WASHC4: variants seen among roughly 807,000 people sequenced by gnomAD.
WASHC4 encodes WASH complex subunit 4.
WASHC4 carries 86 observed loss-of-function variants against 166.6 expected under a neutral mutation model. The ratio of observed to expected loss-of-function variants is 0.52; its 90% CI spans 0.43 to 0.62. The LOEUF is 0.62. Ranked by LOEUF, WASHC4 falls within the 20% of genes least tolerant of loss-of-function variation. WASHC4 has a pLI of 0.00. For synonymous variants in WASHC4, 446 were observed against 451.6 expected (o/e 0.99, Z 0.16); for missense variants, 1,262 against 1,382.4 (o/e 0.91, Z 1.38).
rs968780443 is a variant in WASHC4, at chr12:105,118,661, T to C, written c.518+133T>C. ...CACTTATGATATTTCAAACACTACT[T>C]GATGTGTATCATACGTAGGTTAGTA... On this transcript the variant is annotated intron_variant, in intron 7 of 32. Coordinates refer to ENST00000332180, the MANE Select transcript of WASHC4 (RefSeq NM_015275.3). The C allele has an allele frequency of 4.2e-6, 3 of 706,156 alleles. No individual in the cohort carries two copies. In the Admixed American group the frequency reaches 6.1e-5, roughly 14 times the overall value. The allele number at this position is 706,156 out of a possible 1,614,324, so 43.7% of individuals were successfully genotyped here.
At chr12:105,116,246 T>C (rs948409974) in intron 6 of WASHC4, among the ~76,000 whole-genome samples, 10 of 152,124 alleles carry the variant, frequency 6.6e-5, no homozygotes, top group African/African-American at 1.9e-4. Context: ...GCATGTACGA[T>C]GTGAAAAAGC....
chr12:105,138,031 A>G lies in WASHC4; in HGVS notation c.1452+20A>G, dbSNP rs753289798. 17 of 1,606,632 alleles carry G rather than the reference A, an allele frequency of 1.1e-5. No individual in the cohort carries two copies. Among genetic ancestry groups the G allele is most frequent in the Non-Finnish European group, 1.4e-5 (16 of 1,176,356 alleles). ...CTCAAGGTAGGTTTTAGATTATTTTACTGCTCCATCATAATTGAGAAATGA... is the reference window on the plus strand; with the variant it reads ...CTCAAGGTAGGTTTTAGATTATTTTGCTGCTCCATCATAATTGAGAAATGA... On this transcript the variant is annotated intron_variant, in intron 15 of 32. Coordinates refer to ENST00000332180, the MANE Select transcript of WASHC4 (RefSeq NM_015275.3).
intron 1 of WASHC4, among the ~76,000 whole-genome samples, chr12:105,110,285 A>G (rs940984157): frequency 2.6e-5 from 4 of 152,176 alleles, no homozygotes; most frequent in Non-Finnish European, 5.9e-5. Context: ...ATTTGAGGAG[A>G]GCAAATTTTT....
chr12:105,144,435 A>G lies in WASHC4; in HGVS notation c.2159A>G (p.Asn720Ser), dbSNP rs113419458. The G allele has an allele frequency of 2.4e-4, 387 of 1,612,546 alleles. No individual in the cohort carries two copies. In the East Asian group the frequency reaches 3.4e-3, roughly 14 times the overall value. ...TCTCTGAATCCAATTCGGTTTTTCA[A>G]TCGTTTCATTGACATTCGGGGTGAG... Reference protein sequence around the residue: ...FFSLNPIRFFNRFIDIRAYVT... With the variant: ...FFSLNPIRFFSRFIDIRAYVT... Residue 720 changes from asparagine to serine, a missense_variant, in exon 21 of 33, where the codon AAT becomes AGT. Physicochemically the swap from Asn to Ser is conservative, Grantham distance 46. Transcript: ENST00000332180.
At chr12:105,139,445 A>ATATATATATG (rs1882623328) in intron 15 of WASHC4, among the ~76,000 whole-genome samples, 1 of 140,764 alleles carries the variant, frequency 7.1e-6, no homozygotes, top group Non-Finnish European at 1.5e-5. Context: ...ATATATATAT[A>ATATATATATG]TATATATATA....
chr12:105,107,950 G>C (rs1343976921), intron 1 of WASHC4, 89 bp downstream of exon 1: 26 of 968,308 alleles, frequency 2.7e-5, no homozygotes, highest in Admixed American at 2.6e-4. Flanking sequence ...CGAGAGGGAC[G>C]GCTGCGCAGC....
At chr12:105,158,689 T>C (rs1167308925) in intron 28 of WASHC4, among the ~76,000 whole-genome samples, 1 of 152,210 alleles carries the variant, frequency 6.6e-6, no homozygotes, top group Non-Finnish European at 1.5e-5. Flanking sequence ...GAACATGGAT[T>C]GTATATTAGT....
intron 6 of WASHC4, among the ~76,000 whole-genome samples, chr12:105,117,342 C>T (rs564837360): frequency 6.6e-6 from 1 of 152,182 alleles, no homozygotes; most frequent in East Asian, 1.9e-4. Flanking sequence ...CCACATATAT[C>T]TAAATTTTGC....
At chr12:105,137,457 A>G (rs1000264891) in intron 14 of WASHC4, among the ~76,000 whole-genome samples, 4 of 152,116 alleles carry the variant, frequency 2.6e-5, no homozygotes, top group African/African-American at 9.7e-5. Context: ...CTTTCTCCTT[A>G]TTTTTCAATT....
chr12:105,133,525 G>C (rs552282453), intron 13 of WASHC4, among the ~76,000 whole-genome samples: 11 of 152,096 alleles, frequency 7.2e-5, no homozygotes, highest in Non-Finnish European at 7.4e-5. Context: ...AAGCATCATG[G>C]GAGGAGGGAT....
At chr12:105,139,429 A>ATATATATATG in intron 15 of WASHC4, among the ~76,000 whole-genome samples, 1 of 62,844 alleles carries the variant, frequency 1.6e-5, no homozygotes, top group Non-Finnish European at 3.1e-5. Flanking sequence ...GTGTGTGTAT[A>ATATATATATG]TATATATATA....
intron 13 of WASHC4, among the ~76,000 whole-genome samples, chr12:105,129,198 C>A (rs1390680602): frequency 6.6e-6 from 1 of 152,108 alleles, no homozygotes; most frequent in Non-Finnish European, 1.5e-5. Flanking sequence ...CCTGCTTCAG[C>A]CTCCCAAACT....
At chr12:105,115,985 T>C (rs535769884) in intron 6 of WASHC4, among the ~76,000 whole-genome samples, 4 of 152,276 alleles carry the variant, frequency 2.6e-5, no homozygotes, top group Admixed American at 2.0e-4. Context: ...CCTTTTAAAA[T>C]AATTTAAACT....
In WASHC4 at chr12:105,162,738, C is replaced by T; in HGVS notation, c.3061-11C>T. On this transcript the variant is annotated splice_polypyrimidine_tract_variant and intron_variant, in intron 29 of 32. Coordinates refer to ENST00000332180, the MANE Select transcript of WASHC4 (RefSeq NM_015275.3). ...AAATTGTTTTTCTAACATGTTGTTA[C>T]ATCTTTTTAGACCCTCAACTTTGTA... 7.1e-7 allele frequency: 1 copy of T among 1,415,960 alleles called. No homozygotes were observed. Among genetic ancestry groups the T allele is most frequent in the Non-Finnish European group, 1.0e-6 (1 of 1,004,066 alleles). 87.7% of individuals were successfully genotyped at this position (1,415,960 alleles called of 1,614,324 possible). A position where few individuals can be genotyped will look rare whatever the true frequency, so the allele number is the denominator to read the frequency against.
At position 105,144,471 on chromosome 12, in the gene WASHC4, T is replaced by C. The variant is rs556876473; in HGVS notation, c.2179+16T>C. 41 of 1,608,112 alleles carry C rather than the reference T, an allele frequency of 2.5e-5. No homozygotes were observed. The South Asian group carries it at 4.5e-4, about 18-fold the overall frequency. ...GACATTCGGGGTGAGTGTTTTGCTT[T>C]CCTTCTTAGAGTCATATTCTCTTTT... On this transcript the variant is annotated intron_variant, in intron 21 of 32. Coordinates refer to ENST00000332180, the MANE Select transcript of WASHC4 (RefSeq NM_015275.3).
At chr12:105,157,414 T>C (rs2135833838) in intron 28 of WASHC4, 92 bp downstream of exon 28, 1 of 719,116 alleles carries the variant, frequency 1.4e-6, no homozygotes, top group East Asian at 2.7e-5. Flanking sequence ...TATGCCACTG[T>C]TTTTATTATA....
chr12:105,159,370 A>G (rs1023167212), intron 28 of WASHC4, among the ~76,000 whole-genome samples: 1 of 152,208 alleles, frequency 6.6e-6, no homozygotes, highest in Admixed American at 6.5e-5. Flanking sequence ...ATCTGCATAG[A>G]CAGGGGAGAA....
At chr12:105,147,431 G>GCA in intron 24 of WASHC4, 2 of 374,926 alleles carry the variant, frequency 5.3e-6, no homozygotes, top group Non-Finnish European at 9.7e-6. Context: ...ATATGTGTGT[G>GCA]CACACATATA....
At position 105,148,175 on chromosome 12, in the gene WASHC4, C is replaced by A. The variant is rs182173813; in HGVS notation, c.2514+1029C>A. On this transcript the variant is annotated intron_variant, in intron 24 of 32. Coordinates refer to ENST00000332180, the MANE Select transcript of WASHC4 (RefSeq NM_015275.3). The stretch of plus-strand genomic sequence containing the variant: ...TGGAAAAGCATTGAAGATTTTGAGC[C>A]AATGAGTGATATGATTGGAGCTCCA... 246 of 985,108 alleles carry A rather than the reference C, an allele frequency of 2.5e-4. 1 individual carries two copies. Among genetic ancestry groups the A allele is most frequent in the Admixed American group, 3.1e-4 (5 of 16,274 alleles). 61.0% of individuals were successfully genotyped at this position (985,108 alleles called of 1,614,324 possible). A position where few individuals can be genotyped will look rare whatever the true frequency, so the allele number is the denominator to read the frequency against.
Sources: gnomAD v4.1 joint callset for allele counts (sites outside exome capture counted in the v4.1 genomes callset) on GRCh38, gnomAD v4.1.1 for gene constraint, MANE v1.5 for transcripts, NCBI Gene and HGNC (gene_info 2026-07-23, HGNC 2026-07-21) for gene names.